The following WDR27 variants were observed in gnomAD, a reference collection of about 807,000 sequenced individuals.
WDR27 encodes the protein WD repeat-containing protein 27.
Under a neutral mutation model 114.4 loss-of-function variants are expected in WDR27, and 100 were observed. The observed-to-expected ratio is 0.87, with a 90% confidence interval of 0.74 to 1.03. WDR27 has a LOEUF of 1.03. Ranked by LOEUF, WDR27 falls within the 50% of genes least tolerant of loss-of-function variation. The probability of loss-of-function intolerance (pLI) is 0.00; values close to 1 mark genes in which losing one functional copy is unlikely to be tolerated. For synonymous variants in WDR27, 449 were observed against 423.1 expected (o/e 1.06, Z -0.75); for missense variants, 1,129 against 1,092.9 (o/e 1.03, Z -0.47).
At chr6:169,426,591 T>C in the WDR27 span, 3 of 152,236 alleles carry the variant, frequency 2.0e-5, no homozygotes, top group African/African-American at 7.2e-5. Flanking sequence ...AATTGAGTTC[T>C]GCGAGAGCCA....
chr6:169,471,969 T>G lies in WDR27; in HGVS notation c.2646-14335A>C, dbSNP rs2115335306. 1.3e-5 allele frequency among the ~76,000 whole-genome samples: 2 copies of G among 152,284 alleles called. 1 individual carries two copies. The highest frequency in any genetic ancestry group is 4.1e-4 in the South Asian group (2 of 4,828). ...CCCTCCAACCTCACTTAGAAGGTGT[T>G]ATTCCCACTCATGAGGGTGGAGCCC... On this transcript the variant is annotated intron_variant, in intron 25 of 25. Coordinates refer to ENST00000448612, the MANE Select transcript of WDR27 (RefSeq NM_182552.5).
At chr6:169,530,073 G>A (rs879417816) in intron 25 of WDR27, among the ~76,000 whole-genome samples, 20 of 152,208 alleles carry the variant, frequency 1.3e-4, no homozygotes, top group Non-Finnish European at 2.6e-4. Flanking sequence ...CGATGTGACC[G>A]CAGTGTGCTC....
chr6:169,491,996 T>G (rs556421229), intron 25 of WDR27, among the ~76,000 whole-genome samples: 1 of 152,298 alleles, frequency 6.6e-6, no homozygotes, highest in East Asian at 1.9e-4. Context: ...ATATTGATAT[T>G]GAATGCTAAG....
chr6:169,590,953 G>T (rs1446060434), intron 23 of WDR27, among the ~76,000 whole-genome samples: 1 of 152,192 alleles, frequency 6.6e-6, no homozygotes, highest in Non-Finnish European at 1.5e-5. Context: ...CCATGGAAGC[G>T]CAGGTATCTC....
chr6:169,672,206 G>A (rs758900839), intron 3 of WDR27, 49 bp downstream of exon 3: 3 of 1,589,390 alleles, frequency 1.9e-6, no homozygotes, highest in Non-Finnish European at 2.6e-6. Flanking sequence ...TGAAGGATGA[G>A]TTATTCCTTT....
chr6:169,550,779 A>G (rs1248030644), intron 25 of WDR27, among the ~76,000 whole-genome samples: 4 of 152,102 alleles, frequency 2.6e-5, no homozygotes, highest in Admixed American at 2.6e-4. Context: ...GCAGTGACTC[A>G]ATCACAGCTC....
intron 25 of WDR27, among the ~76,000 whole-genome samples, chr6:169,524,284 G>A (rs1169729737): frequency 6.6e-6 from 1 of 151,982 alleles, no homozygotes; most frequent in Non-Finnish European, 1.5e-5. Context: ...AAACCGAAGA[G>A]GACATTTTAA....
At chr6:169,523,343 C>A (rs966702873) in intron 25 of WDR27, among the ~76,000 whole-genome samples, 7 of 152,068 alleles carry the variant, frequency 4.6e-5, no homozygotes, top group Admixed American at 1.3e-4. Flanking sequence ...GACTTCACTG[C>A]TGAATTCTAT....
chr6:169,489,163 C>A (rs969627245), intron 25 of WDR27, among the ~76,000 whole-genome samples: 1 of 152,140 alleles, frequency 6.6e-6, no homozygotes, highest in Non-Finnish European at 1.5e-5. Context: ...GGAGCAGAGG[C>A]AGATGAGAAC....
intron 19 of WDR27, among the ~76,000 whole-genome samples, chr6:169,635,195 G>A (rs58321158): frequency 0.13 from 19,441 of 150,920 alleles, 1,650 homozygotes; most frequent in South Asian, 0.27. Context: ...GTGCAACCCC[G>A]TCTCTACTAA....
the WDR27 span, chr6:169,426,976 G>C: frequency 3.4e-5 from 5 of 148,930 alleles, no homozygotes; most frequent in South Asian, 2.1e-4. Flanking sequence ...GGGGCAGTGG[G>C]GGGGGGGTGG....
At chr6:169,451,900 ATTATC>A in the WDR27 span, among the ~76,000 whole-genome samples, 107 of 152,240 alleles carry the variant, frequency 7.0e-4, no homozygotes, top group African/African-American at 2.3e-3. Flanking sequence ...TTTTTTAAAT[ATTATC>A]TTAACACACG....
At chr6:169,624,133 G>GGCA (rs1814097015) in intron 21 of WDR27, among the ~76,000 whole-genome samples, 1 of 150,768 alleles carries the variant, frequency 6.6e-6, no homozygotes, top group Non-Finnish European at 1.5e-5. Context: ...GGTGTGTGGT[G>GGCA]TCAGGTGTGC....
the WDR27 span, among the ~76,000 whole-genome samples, chr6:169,446,569 T>A: frequency 9.2e-5 from 14 of 152,194 alleles, no homozygotes; most frequent in African/African-American, 3.1e-4. Flanking sequence ...AGGGAGAAAA[T>A]GCCTTTTTTA....
chr6:169,440,848 C>T, the WDR27 span, among the ~76,000 whole-genome samples: 1 of 152,180 alleles, frequency 6.6e-6, no homozygotes, highest in Non-Finnish European at 1.5e-5. Flanking sequence ...TCATGAAATG[C>T]TAGTCCATGG....
intron 25 of WDR27, among the ~76,000 whole-genome samples, chr6:169,469,513 C>T (rs1786056556): frequency 6.6e-6 from 1 of 152,202 alleles, no homozygotes; most frequent in Non-Finnish European, 1.5e-5. Context: ...AGTGGTCCCT[C>T]CCAAGGCACT....
intron 25 of WDR27, among the ~76,000 whole-genome samples, chr6:169,569,270 T>A (rs1800987376): frequency 6.6e-6 from 1 of 152,218 alleles, no homozygotes; most frequent in Non-Finnish European, 1.5e-5. Flanking sequence ...AAAACCCTAG[T>A]CTCTAAGCCT....
At chr6:169,545,878 G>T (rs181752500) in intron 25 of WDR27, among the ~76,000 whole-genome samples, 1 of 151,394 alleles carries the variant, frequency 6.6e-6, no homozygotes, top group African/African-American at 2.4e-5. Context: ...TACATATAAC[G>T]TGACTCTCAA....
At chr6:169,499,315 G>A (rs1179816172) in intron 25 of WDR27, among the ~76,000 whole-genome samples, 1 of 152,250 alleles carries the variant, frequency 6.6e-6, no homozygotes, top group Admixed American at 6.5e-5. Context: ...ACACTGCAGG[G>A]ATGTGTGAGG....
Sources: allele counts gnomAD v4.1 joint callset (sites outside exome capture counted in the v4.1 genomes callset), GRCh38; gene constraint gnomAD v4.1.1; transcripts MANE v1.5; gene names NCBI Gene and HGNC (gene_info 2026-07-23, HGNC 2026-07-21).